GALNT17: variants seen among roughly 807,000 people sequenced by gnomAD.
GALNT17 encodes polypeptide N-acetylgalactosaminyltransferase 17.
A neutral mutation model predicts 63.7 loss-of-function variants in GALNT17; 29 were observed. That is an observed-to-expected ratio of 0.46 (90% CI 0.34 to 0.62). GALNT17 has a LOEUF of 0.62. GALNT17 is among the 20% of genes least tolerant of loss of function. GALNT17 has a pLI of 0.01. For synonymous variants in GALNT17, 305 were observed against 318.3 expected, an observed-to-expected ratio of 0.96 and a Z score of 0.45; for missense variants, 603 against 799.6, an observed-to-expected ratio of 0.75 and a Z score of 2.97.
chr7:71,310,029 TC>T (rs35575572), intron 1 of GALNT17, among the ~76,000 whole-genome samples: 1 of 152,132 alleles, frequency 6.6e-6, no homozygotes, highest in Admixed American at 6.6e-5. Context: ...AGGGGGAGTT[TC>T]CCTGCACAAG....
At chr7:71,292,178 C>G (rs1279419059) in intron 1 of GALNT17, among the ~76,000 whole-genome samples, 1 of 152,162 alleles carries the variant, frequency 6.6e-6, no homozygotes, top group African/African-American at 2.4e-5. Context: ...GCTGAATTAA[C>G]AAGTCTAGAA....
intron 1 of GALNT17, among the ~76,000 whole-genome samples, chr7:71,272,025 T>G (rs1190122151): frequency 6.6e-6 from 1 of 152,174 alleles, no homozygotes; most frequent in Non-Finnish European, 1.5e-5. Flanking sequence ...TCCCAAAGTG[T>G]TGGGATTACA....
intron 5 of GALNT17, among the ~76,000 whole-genome samples, chr7:71,461,750 C>A (rs1288488132): frequency 3.3e-5 from 5 of 152,314 alleles, no homozygotes; most frequent in African/African-American, 1.2e-4. Flanking sequence ...CCAGGCGGGT[C>A]CTCCTGCTGA....
intron 5 of GALNT17, among the ~76,000 whole-genome samples, chr7:71,548,772 G>T (rs1226473724): frequency 6.6e-6 from 1 of 152,182 alleles, no homozygotes; most frequent in Admixed American, 6.5e-5. Flanking sequence ...ACAGTGTCCT[G>T]TCTCTTCTTC....
intron 9 of GALNT17, among the ~76,000 whole-genome samples, chr7:71,689,311 G>C (rs1184228993): frequency 6.6e-6 from 1 of 152,184 alleles, no homozygotes; most frequent in Non-Finnish European, 1.5e-5. Context: ...TAGGCCTCTT[G>C]TGCCAAATAA....
intron 1 of GALNT17, among the ~76,000 whole-genome samples, chr7:71,149,276 A>C (rs989720652): frequency 1.3e-5 from 2 of 152,126 alleles, no homozygotes; most frequent in Non-Finnish European, 2.9e-5. Context: ...GTGTTAACTT[A>C]ATTCGACATC....
intron 5 of GALNT17, among the ~76,000 whole-genome samples, chr7:71,553,538 T>C (rs931665751): frequency 6.6e-6 from 1 of 152,212 alleles, no homozygotes; most frequent in Non-Finnish European, 1.5e-5. Flanking sequence ...GTTTTTCATA[T>C]TGAATCCTTG....
chr7:71,694,648 G>A (rs537062156), intron 9 of GALNT17, among the ~76,000 whole-genome samples: 16 of 152,192 alleles, frequency 1.1e-4, no homozygotes, highest in Middle Eastern at 6.8e-3. Context: ...CGCCCGCCTC[G>A]GCCTCCTAAA....
intron 1 of GALNT17, among the ~76,000 whole-genome samples, chr7:71,327,407 T>C (rs1196542292): frequency 6.6e-6 from 1 of 152,118 alleles, no homozygotes; most frequent in Non-Finnish European, 1.5e-5. Flanking sequence ...TCAGCTCTCA[T>C]GAGGCTTATT....
chr7:71,574,302 A>G (rs980317830), intron 6 of GALNT17, among the ~76,000 whole-genome samples: 2 of 152,196 alleles, frequency 1.3e-5, no homozygotes, highest in African/African-American at 4.8e-5. Flanking sequence ...TGCAGAGCCC[A>G]GTCTGCCCCC....
chr7:71,445,179 CTT>C (rs748963165), intron 5 of GALNT17, among the ~76,000 whole-genome samples: 9 of 130,378 alleles, frequency 6.9e-5, no homozygotes, highest in Non-Finnish European at 8.2e-5. Flanking sequence ...TTCTTTCTTT[CTT>C]TTTTTTTTTT....
intron 1 of GALNT17, among the ~76,000 whole-genome samples, chr7:71,292,293 C>T (rs188542475): frequency 6.6e-6 from 1 of 152,258 alleles, no homozygotes; most frequent in Admixed American, 6.5e-5. Context: ...ATAGGTTTTG[C>T]TGGACAGACA....
chr7:71,453,377 G>C (rs1189157351), intron 5 of GALNT17, among the ~76,000 whole-genome samples: 1 of 152,188 alleles, frequency 6.6e-6, no homozygotes, highest in Non-Finnish European at 1.5e-5. Context: ...GCTCACAGTT[G>C]CATGTGGCTG....
chr7:71,588,687 G>A (rs777055145), intron 6 of GALNT17, among the ~76,000 whole-genome samples: 6 of 152,168 alleles, frequency 3.9e-5, no homozygotes, highest in African/African-American at 9.6e-5. Context: ...CTACAATGTC[G>A]GACAACCCAT....
At chr7:71,406,181 A>G (rs933044169) in intron 3 of GALNT17, among the ~76,000 whole-genome samples, 4 of 152,182 alleles carry the variant, frequency 2.6e-5, no homozygotes, top group Non-Finnish European at 4.4e-5. Context: ...GGATATAAAT[A>G]TTTCATTATA....
At chr7:71,461,995 CT>C in intron 5 of GALNT17, among the ~76,000 whole-genome samples, 2 of 152,336 alleles carry the variant, frequency 1.3e-5, no homozygotes, top group Admixed American at 1.3e-4. Context: ...TTTGACTCCC[CT>C]GTCTGGCCTC....
intron 6 of GALNT17, among the ~76,000 whole-genome samples, chr7:71,574,836 C>T (rs1381403657): frequency 6.6e-6 from 1 of 152,064 alleles, no homozygotes; most frequent in African/African-American, 2.4e-5. Context: ...TACTGGTCTA[C>T]CCCTAGGTTT....
Position 71,413,640 on chromosome 7 carries a change from C to T in GALNT17, c.590-2249C>T, listed in dbSNP as rs192805709. On this transcript the variant is annotated intron_variant, in intron 3 of 10. Transcript: ENST00000333538. ...GCACCTGCCTTGGCCTCCCAAAGTG[C>T]GCCTTCCTATAATTTTTAAACGTAT... Among the ~76,000 whole-genome samples the T allele has an allele frequency of 2.5e-4, 38 of 152,042 alleles. No homozygotes were observed. The East Asian group carries it at 4.9e-3, about 19-fold the overall frequency.
At chr7:71,293,897 C>T (rs1430973409) in intron 1 of GALNT17, among the ~76,000 whole-genome samples, 3 of 152,102 alleles carry the variant, frequency 2.0e-5, no homozygotes, top group Non-Finnish European at 2.9e-5. Context: ...TGGTGGCTCA[C>T]GCCTGTAATC....
Sources: gnomAD v4.1 joint callset for allele counts (sites outside exome capture counted in the v4.1 genomes callset) on GRCh38, gnomAD v4.1.1 for gene constraint, MANE v1.5 for transcripts, NCBI Gene and HGNC (gene_info 2026-07-23, HGNC 2026-07-21) for gene names.